FAM234A: variants seen among roughly 807,000 people sequenced by gnomAD.
FAM234A encodes the protein protein FAM234A.
FAM234A carries 42 observed loss-of-function variants against 49.1 expected under a neutral mutation model. That is an observed-to-expected ratio of 0.86 (90% confidence interval 0.67 to 1.11). FAM234A has a LOEUF of 1.11. FAM234A is among the 50% of genes least tolerant of loss of function. The pLI is 0.00. For synonymous variants in FAM234A, 369 were observed against 316.2 expected, an observed-to-expected ratio of 1.17 and a Z score of -1.77; for missense variants, 815 against 745.2, an observed-to-expected ratio of 1.09 and a Z score of -1.09.
At chr16:244,954 C>T (rs1004950174) in intron 1 of FAM234A, among the ~76,000 whole-genome samples, 1 of 151,554 alleles carries the variant, frequency 6.6e-6, no homozygotes. Flanking sequence ...AGCCTCCCAA[C>T]GTGCTGGGAT....
chr16:262,843 G>A (rs190673526), intron 8 of FAM234A, among the ~76,000 whole-genome samples: 108 of 144,546 alleles, frequency 7.5e-4, no homozygotes, highest in Non-Finnish European at 1.3e-3. Flanking sequence ...TTTTTAAGAC[G>A]GAGTCTTGCC....
At chr16:262,862 C>T (rs1169063572) in intron 8 of FAM234A, among the ~76,000 whole-genome samples, 1 of 150,904 alleles carries the variant, frequency 6.6e-6, no homozygotes, top group South Asian at 2.1e-4. Flanking sequence ...CCCTGTCCCC[C>T]AGGCTGGAGT....
At chr16:238,119 A>G (rs2050467144) in intron 1 of FAM234A, among the ~76,000 whole-genome samples, 1 of 152,096 alleles carries the variant, frequency 6.6e-6, no homozygotes, top group Admixed American at 6.6e-5. Flanking sequence ...CCCAGGTTCA[A>G]GCGATTCTCC....
downstream of FAM234A, chr16:269,383 G>T (rs774058245): frequency 1.9e-6 from 3 of 1,599,318 alleles, no homozygotes; most frequent in Admixed American, 3.4e-5. Flanking sequence ...ACGGGAACAC[G>T]CTGTGGGCGA....
At chr16:269,531 C>T (rs1055349502), downstream of FAM234A, 2 of 1,613,368 alleles carry the variant, frequency 1.2e-6, no homozygotes, top group Admixed American at 1.7e-5. Context: ...GGGATCCCAG[C>T]CTCTGCCAGG....
chr16:264,537 C>A (rs1301609687), intron 11 of FAM234A, 77 bp from the exon 12 acceptor site: 2 of 991,844 alleles, frequency 2.0e-6, no homozygotes, highest in African/African-American at 1.6e-5. Flanking sequence ...GAGCTCCAGG[C>A]ACGGTCACTC....
intron 1 of FAM234A, among the ~76,000 whole-genome samples, chr16:246,738 TC>T (rs1412682527): frequency 6.0e-5 from 9 of 149,492 alleles, no homozygotes; most frequent in African/African-American, 2.2e-4. Flanking sequence ...TTTTTTTTTT[TC>T]GATCGATTGG....
chr16:260,081 G>T lies in FAM234A; in HGVS notation c.498G>T (p.Gln166His). 4 of 1,613,866 alleles carry T rather than the reference G, an allele frequency of 2.5e-6. No individual in the cohort carries two copies. Among genetic ancestry groups the T allele is most frequent in the Non-Finnish European group, 3.4e-6 (4 of 1,180,024 alleles). Residue 166 changes from glutamine to histidine, a missense_variant, in exon 5 of 13, where the codon CAG becomes CAT. Gln to His is a conservative substitution (Grantham distance 24). Coordinates refer to ENST00000399932, the MANE Select transcript of FAM234A (RefSeq NM_032039.4). ...CCCTCGTGGAGTGTGCTGTGCCCCA[G>T]CCAAGAGGCAGTGAGGCACCTTCTG... ...DVALVECAVP[Q>H]PRGSEAPSAC...
At chr16:236,762 C>T (rs1386033994) in intron 1 of FAM234A, among the ~76,000 whole-genome samples, 40 of 135,580 alleles carry the variant, frequency 3.0e-4, no homozygotes, top group African/African-American at 9.7e-4. Flanking sequence ...AAAAATTAGC[C>T]GGGCGAGGTG....
At position 264,165 on chromosome 16, in the gene FAM234A, C is replaced by T. The variant is rs201125551; in HGVS notation, c.1338C>T (p.Ser446=). 12 of 1,596,838 alleles carry T rather than the reference C, an allele frequency of 7.5e-6. No individual in the cohort carries two copies. Among genetic ancestry groups the T allele is most frequent in the Admixed American group, 1.7e-5 (1 of 58,184 alleles). ...GCCTCCACGAGCTGGGGAGCACCAGCGAGACGGTACGGGAGCCACCCTCGG... is the reference window on the plus strand; with the variant it reads ...GCCTCCACGAGCTGGGGAGCACCAGTGAGACGGTACGGGAGCCACCCTCGG... ...FWGLHELGST[S]ETETGEARHS... is the part of the protein sequence containing the mutation. Residue 446 remains serine, a synonymous_variant, in exon 11 of 13, where the codon AGC becomes AGT. Transcript: ENST00000399932.
intron 1 of FAM234A, among the ~76,000 whole-genome samples, chr16:235,211 G>A (rs1219321995): frequency 6.6e-6 from 1 of 152,354 alleles, no homozygotes; most frequent in East Asian, 1.9e-4. Context: ...GCGTAGGTGA[G>A]CCGGCCGTGG....
At chr16:258,875 T>A (rs1473820441) in intron 3 of FAM234A, among the ~76,000 whole-genome samples, 2 of 152,220 alleles carry the variant, frequency 1.3e-5, no homozygotes, top group Admixed American at 1.3e-4. Flanking sequence ...CTCTGCCTCC[T>A]GGGTTCAAAC....
chr16:242,513 C>T (rs1463814302), intron 1 of FAM234A, among the ~76,000 whole-genome samples: 1 of 151,956 alleles, frequency 6.6e-6, no homozygotes, highest in African/African-American at 2.4e-5. Flanking sequence ...CGCGGGCTTA[C>T]TGATAGTTCT....
At chr16:257,142 G>A (rs2051264770) in intron 3 of FAM234A, among the ~76,000 whole-genome samples, 2 of 151,466 alleles carry the variant, frequency 1.3e-5, no homozygotes, top group African/African-American at 4.9e-5. Context: ...GCTTCCCAAA[G>A]TGCTAGGACT....
chr16:255,963 C>T (rs1176177263), intron 3 of FAM234A, among the ~76,000 whole-genome samples: 1 of 152,248 alleles, frequency 6.6e-6, no homozygotes, highest in Non-Finnish European at 1.5e-5. Flanking sequence ...CGCGCCCGGC[C>T]TCTAGACATT....
In FAM234A at chr16:263,315, T is replaced by C. The variant is rs1567226146; in HGVS notation, c.1025T>C (p.Val342Ala). Residue 342 changes from valine (V) to alanine (A), a missense_variant, in exon 9 of 13, where the codon GTG becomes GCG. Transcript: ENST00000399932. The stretch of plus-strand genomic sequence containing the variant: ...GTCCCAGGGAACGCCGGTGCAGATG[T>C]GCTTCTTGTGGGCTCAGAGGCCTTC... ...MHVPGNAGAD[V>A]LLVGSEAFVL... is the part of the protein sequence containing the mutation. 6.2e-7 allele frequency: 1 copy of C among 1,613,272 alleles called. No individual in the cohort carries two copies. The highest frequency in any genetic ancestry group is 2.2e-5 in the East Asian group (1 of 44,880).
downstream of FAM234A, chr16:269,902 G>A: frequency 3.3e-6 from 1 of 305,554 alleles, no homozygotes; most frequent in East Asian, 6.8e-5. Flanking sequence ...CAGAGTGAGG[G>A]CAGGGTTGTG....
chr16:269,560 G>C (rs1174382986), downstream of FAM234A: 1 of 1,613,394 alleles, frequency 6.2e-7, no homozygotes. Context: ...GTACATGTCA[G>C]ACTTCAGGAA....
chr16:249,881 T>C (rs192504146), intron 2 of FAM234A, among the ~76,000 whole-genome samples: 1 of 152,240 alleles, frequency 6.6e-6, no homozygotes, highest in East Asian at 1.9e-4. Context: ...TATAACATTC[T>C]GGTTCTTACT....
Sources: gnomAD v4.1 joint callset for allele counts (sites outside exome capture counted in the v4.1 genomes callset) on GRCh38, gnomAD v4.1.1 for gene constraint, MANE v1.5 for transcripts, NCBI Gene and HGNC (gene_info 2026-07-23, HGNC 2026-07-21) for gene names.